The following RYR2 variants were observed in gnomAD, a reference collection of about 807,000 sequenced individuals.
RYR2 encodes ryanodine receptor 2.
Under a neutral mutation model 601.1 loss-of-function variants are expected in RYR2, and 227 were observed. The ratio of observed to expected loss-of-function variants is 0.38; its 90% CI spans 0.34 to 0.42. RYR2 has a LOEUF of 0.42. Among genes scored for constraint, RYR2 ranks in the 10% least tolerant of loss-of-function variants. The pLI, the probability that RYR2 is intolerant of heterozygous loss-of-function variation, is 1.00. For missense variants in RYR2, 4,646 were observed against 6,156.5 expected (o/e 0.75, Z 8.21); for synonymous variants, 2,223 against 2,175.1 (o/e 1.02, Z -0.61).
intron 4 of RYR2, among the ~76,000 whole-genome samples, chr1:237,356,609 G>A (rs1004514727): frequency 5.3e-5 from 8 of 151,964 alleles, no homozygotes; most frequent in African/African-American, 1.9e-4. Flanking sequence ...GTAGAAAAAC[G>A]CAGTTACAGG....
intron 1 of RYR2, among the ~76,000 whole-genome samples, chr1:237,189,767 C>T (rs116053352): frequency 0.011 from 1,723 of 152,294 alleles, 29 homozygotes; most frequent in African/African-American, 0.039. Context: ...CAGTCTATAA[C>T]ACCTTTTTAT....
At chr1:237,696,615 T>C (rs55885307) in intron 63 of RYR2, among the ~76,000 whole-genome samples, 90,094 of 141,220 alleles carry the variant, frequency 0.64, 29,636 homozygotes, top group Middle Eastern at 0.76. Flanking sequence ...ACACTTAATA[T>C]GTGCAAAGCA....
At chr1:237,459,354 C>T (rs1454316600) in intron 16 of RYR2, among the ~76,000 whole-genome samples, 6 of 152,118 alleles carry the variant, frequency 3.9e-5, no homozygotes, top group African/African-American at 1.2e-4. Flanking sequence ...GGGGGCTGAA[C>T]TGGTAGGATT....
At chr1:237,631,668 G>C (rs181625580) in intron 42 of RYR2, 127 bp downstream of exon 42, 11 of 449,324 alleles carry the variant, frequency 2.4e-5, no homozygotes, top group Admixed American at 1.5e-4. Context: ...TCACTCTGTC[G>C]CCCAGGCTGG....
intron 1 of RYR2, among the ~76,000 whole-genome samples, chr1:237,092,540 T>C (rs1667081619): frequency 6.6e-6 from 1 of 151,734 alleles, no homozygotes; most frequent in Non-Finnish European, 1.5e-5. Flanking sequence ...TCCTTTTTTT[T>C]TGAGACAGAG....
chr1:237,116,526 T>G (rs1670099984), intron 1 of RYR2, among the ~76,000 whole-genome samples: 1 of 151,890 alleles, frequency 6.6e-6, no homozygotes, highest in Non-Finnish European at 1.5e-5. Flanking sequence ...AATATATATA[T>G]TTATACACAT....
At position 237,532,747 on chromosome 1, in the gene RYR2, G is replaced by A. The variant is rs146147773; in HGVS notation, c.2906+2237G>A. 1.5e-3 allele frequency among the ~76,000 whole-genome samples: 226 copies of A among 152,274 alleles called. 2 individuals carry two copies. Among genetic ancestry groups the A allele is most frequent in the African/African-American group, 5.1e-3 (213 of 41,554 alleles). On this transcript the variant is annotated intron_variant, in intron 25 of 104. Transcript: ENST00000366574. ...TCAAATGCTATGCGTGAGTGTGTGT[G>A]CATGTGTGTGTATGTATTTGGGATA...
At chr1:237,054,503 C>G (rs1661729056) in intron 1 of RYR2, among the ~76,000 whole-genome samples, 1 of 152,048 alleles carries the variant, frequency 6.6e-6, no homozygotes, top group African/African-American at 2.4e-5. Context: ...AGTAATGATT[C>G]CTGAACTGTT....
At chr1:237,323,758 C>T (rs1695876938) in intron 2 of RYR2, among the ~76,000 whole-genome samples, 1 of 152,162 alleles carries the variant, frequency 6.6e-6, no homozygotes, top group South Asian at 2.1e-4. Context: ...CTGCTATATC[C>T]TCTCTCACCT....
At chr1:237,067,254 T>G (rs1159561532) in intron 1 of RYR2, among the ~76,000 whole-genome samples, 3 of 152,208 alleles carry the variant, frequency 2.0e-5, no homozygotes, top group Non-Finnish European at 2.9e-5. Context: ...TTTTCTCTTA[T>G]GTTTTCTTCT....
Position 237,441,428 on chromosome 1 carries a change from T to A in RYR2, c.1115T>A (p.Leu372His), listed in dbSNP as rs763658621. Reference sequence around the variant, plus strand: ...CAACATGTAGACACAGGCCTATGGCTTACTTACCAGTCTGTGGACGTGAAA... The same window carrying A: ...CAACATGTAGACACAGGCCTATGGCATACTTACCAGTCTGTGGACGTGAAA... ...YIQHVDTGLWLTYQSVDVKSV... is the reference protein window; with the variant it reads ...YIQHVDTGLWHTYQSVDVKSV... Residue 372 changes from leucine (L) to histidine (H), a missense_variant, in exon 13 of 105, where the codon CTT becomes CAT. Leu to His is a moderately conservative substitution (Grantham distance 99, BLOSUM62 -3). This residue lies in a region of RYR2 where 1,807 missense variants were observed against 2,088.1 expected (regional missense o/e 0.87). Coordinates refer to ENST00000366574, the MANE Select transcript of RYR2 (RefSeq NM_001035.3). 35 of 1,608,732 alleles carry A rather than the reference T, an allele frequency of 2.2e-5. No individual in the cohort carries two copies. Among genetic ancestry groups the A allele is most frequent in the Non-Finnish European group, 2.6e-5 (31 of 1,176,852 alleles).
intron 17 of RYR2, among the ~76,000 whole-genome samples, chr1:237,469,631 C>T (rs1045230686): frequency 7.9e-5 from 12 of 152,094 alleles, no homozygotes; most frequent in African/African-American, 2.9e-4. Flanking sequence ...CCAGAATTCT[C>T]ATTCTTTTTC....
chr1:237,700,244 T>A lies in RYR2; in HGVS notation c.9144T>A (p.Thr3048=), dbSNP rs775722742. 6 of 1,566,278 alleles carry A rather than the reference T, an allele frequency of 3.8e-6. No individual in the cohort carries two copies. In the Admixed American group the frequency reaches 9.4e-5, roughly 25 times the overall value. Residue 3048 remains threonine (T), a synonymous_variant, in exon 65 of 105, where the codon ACT becomes ACA. Transcript: ENST00000366574. The part of the protein sequence containing the change: ...QTLDARTVMK[T]GLESVKSALR... ...TACTTTCTAGGACAGTGATGAAGAC[T>A]GGCCTGGAGAGTGTTAAAAGTGCAC...
At chr1:237,642,462 T>A (rs1681659889) in intron 47 of RYR2, among the ~76,000 whole-genome samples, 1 of 152,174 alleles carries the variant, frequency 6.6e-6, no homozygotes, top group Admixed American at 6.5e-5. Flanking sequence ...ATATTTGTTA[T>A]TTTTCCCATC....
intron 63 of RYR2, among the ~76,000 whole-genome samples, chr1:237,698,105 A>AGTGT (rs3999833): frequency 0.021 from 2,946 of 140,096 alleles, 59 homozygotes; most frequent in Admixed American, 0.064. Context: ...AGGAGATGAT[A>AGTGT]GTGTGTGTGT....
At chr1:237,209,750 G>A (rs1218671434) in intron 1 of RYR2, among the ~76,000 whole-genome samples, 1 of 152,066 alleles carries the variant, frequency 6.6e-6, no homozygotes, top group Non-Finnish European at 1.5e-5. Context: ...CAGCTACTTG[G>A]GAGGCTGAGT....
chr1:237,798,608 A>G (rs937933444), intron 97 of RYR2, among the ~76,000 whole-genome samples: 11 of 152,292 alleles, frequency 7.2e-5, no homozygotes, highest in African/African-American at 1.7e-4. Context: ...TTACTTTACT[A>G]TAAGTATTGT....
intron 14 of RYR2, among the ~76,000 whole-genome samples, chr1:237,454,125 T>A (rs4512636): frequency 6.6e-6 from 1 of 151,498 alleles, no homozygotes; most frequent in African/African-American, 2.4e-5. Context: ...TTCCTACTAT[T>A]GGTTTTGTAG....
At chr1:237,413,114 A>G (rs1704605674) in intron 10 of RYR2, among the ~76,000 whole-genome samples, 1 of 152,182 alleles carries the variant, frequency 6.6e-6, no homozygotes, top group Admixed American at 6.5e-5. Flanking sequence ...GAAACAGCCC[A>G]TGAAGACTTG....
Sources: gnomAD v4.1 joint callset for allele counts (sites outside exome capture counted in the v4.1 genomes callset) on GRCh38, gnomAD v4.1.1 for gene constraint, gnomAD v4.1.1 regional missense constraint, MANE v1.5 for transcripts, NCBI Gene and HGNC (gene_info 2026-07-23, HGNC 2026-07-21) for gene names.